The following SPCS3 variants were observed in gnomAD, a reference collection of about 807,000 sequenced individuals.
SPCS3 encodes the protein signal peptidase complex subunit 3.
In SPCS3, 9 loss-of-function variants were observed where a neutral mutation model predicts 17.2. The observed-to-expected ratio is 0.52, with a 90% confidence interval of 0.31 to 0.91. The LOEUF (loss-of-function observed/expected upper bound fraction) is 0.91. Ranked by LOEUF, SPCS3 falls within the 40% of genes least tolerant of loss-of-function variation. The pLI, the probability that SPCS3 is intolerant of heterozygous loss-of-function variation, is 0.04. For missense variants in SPCS3, 139 were observed against 217.5 expected, an observed-to-expected ratio of 0.64 and a Z score of 2.27; for synonymous variants, 87 against 89.6, an observed-to-expected ratio of 0.97 and a Z score of 0.16.
Position 176,328,213 on chromosome 4 carries a change from C to T in SPCS3, c.426C>T (p.Val142=), listed in dbSNP as rs1167300251. The change falls in exon 5 of 5, where the codon GTC becomes GTT. Residue 142 remains valine (V), a synonymous_variant. Transcript: ENST00000503362. ...DGNGLKGNRN[V]TLTLSWNVVP... ...CTTTTTATAGGGGAAACAGGAATGTCACTTTGACCCTGTCTTGGAACGTCG... is the reference window on the plus strand; with the variant it reads ...CTTTTTATAGGGGAAACAGGAATGTTACTTTGACCCTGTCTTGGAACGTCG... 6.2e-7 allele frequency: 1 copy of T among 1,612,340 alleles called. No individual in the cohort carries two copies. Among genetic ancestry groups the T allele is most frequent in the Non-Finnish European group, 8.5e-7 (1 of 1,179,374 alleles).
chr4:176,326,786 A>G (rs1194390393), intron 3 of SPCS3, among the ~76,000 whole-genome samples: 1 of 152,176 alleles, frequency 6.6e-6, no homozygotes, highest in African/African-American at 2.4e-5. Context: ...GGGTCTTAGA[A>G]ATTTTATAGG....
intron 1 of SPCS3, chr4:176,320,917 A>G (rs976702511): frequency 2.6e-5 from 4 of 152,334 alleles, no homozygotes; most frequent in Non-Finnish European, 4.4e-5. Flanking sequence ...TTTGCCAACC[A>G]CTTGAAGAAG....
rs1423353066 is a variant in SPCS3 at position 176,328,648 on chromosome 4, A to C, written c.*318A>C. 1 of 160,596 alleles carries C rather than the reference A, an allele frequency of 6.2e-6. No individual in the cohort carries two copies. The highest frequency in any genetic ancestry group is 2.4e-5 in the African/African-American group (1 of 41,722). 9.9% of individuals were successfully genotyped at this position (160,596 alleles called of 1,614,324 possible). Reference sequence around the variant, plus strand: ...GTATTTCCATTATTCTTTATGGAATATAAAGTAAGCATGAAAGGTAGTTAA... The same window carrying C: ...GTATTTCCATTATTCTTTATGGAATCTAAAGTAAGCATGAAAGGTAGTTAA... On this transcript the variant is annotated 3_prime_UTR_variant, in exon 5 of 5. Transcript: ENST00000503362.
In SPCS3 at chr4:176,327,045, A is replaced by G. The variant is rs549294619; in HGVS notation, c.295-117A>G. 9.7e-5 allele frequency: 59 copies of G among 606,800 alleles called. No individual in the cohort carries two copies. The Admixed American group carries it at 2.1e-3, about 21-fold the overall frequency. 37.6% of individuals were successfully genotyped at this position (606,800 alleles called of 1,614,324 possible). On this transcript the variant is annotated intron_variant, in intron 3 of 4. Coordinates refer to ENST00000503362, the MANE Select transcript of SPCS3 (RefSeq NM_021928.4). Reference sequence around the variant, plus strand: ...ATTTGTATGCATTAAGATTTCAGCAAGCTCCTCAAGTTGAATTCATTAACA... The same window carrying G: ...ATTTGTATGCATTAAGATTTCAGCAGGCTCCTCAAGTTGAATTCATTAACA...
In SPCS3 at chr4:176,331,483, G is replaced by C. The variant is rs1034594833; in HGVS notation, c.*3153G>C. On this transcript the variant is annotated 3_prime_UTR_variant, in exon 5 of 5. Coordinates refer to ENST00000503362, the MANE Select transcript of SPCS3 (RefSeq NM_021928.4). ...GAGATGTTTCAAAAAATTGTTGCAT[G>C]TTTTTGATGCAATTTGGGAAATTGT... 6.6e-6 allele frequency: 1 copy of C among 152,108 alleles called. No homozygotes were observed. Among genetic ancestry groups the C allele is most frequent in the African/African-American group, 2.4e-5 (1 of 41,428 alleles). 9.4% of individuals were successfully genotyped at this position (152,108 alleles called of 1,614,324 possible). A position where few individuals can be genotyped will look rare whatever the true frequency, so the allele number is the denominator to read the frequency against.
At chr4:176,320,496 T>A in intron 1 of SPCS3, 1 of 203,382 alleles carries the variant, frequency 4.9e-6, no homozygotes, top group Non-Finnish European at 9.7e-6. Context: ...CTCCGCTTGC[T>A]TCCTGTTCCT....
In SPCS3 at chr4:176,330,048, TGTAAAATGACAGA is replaced by T. The variant is rs1431999855; in HGVS notation, c.*1721_*1733del. ...TTTTCAGGGTCTTGGTTTCTTTATC[TGTAAAATGACAGA>T]GTTGGACCAGTTAACTTTAATGGCC... On this transcript the variant is annotated 3_prime_UTR_variant, in exon 5 of 5. Coordinates refer to ENST00000503362, the MANE Select transcript of SPCS3 (RefSeq NM_021928.4). 7 of 152,186 alleles carry T rather than the reference TGTAAAATGACAGA, an allele frequency of 4.6e-5. No homozygotes were observed. The highest frequency in any genetic ancestry group is 4.6e-4 in the Admixed American group (7 of 15,280). The allele number at this position is 152,186 out of a possible 1,614,324, so 9.4% of individuals were successfully genotyped here.
rs1006284510 is a variant in SPCS3 at position 176,320,644 on chromosome 4, C to G, written c.143+425C>G. 5.2e-5 allele frequency: 8 copies of G among 153,026 alleles called. No homozygotes were observed. The Admixed American group carries it at 5.2e-4, about 10-fold the overall frequency. The allele number at this position is 153,026 out of a possible 1,614,324, so 9.5% of individuals were successfully genotyped here. ...ATGCGAGGCCCTCCAGGCGCTGCCGCCGCGCTCTGGGTCGGGCTTCCGTGG... is the reference window on the plus strand; with the variant it reads ...ATGCGAGGCCCTCCAGGCGCTGCCGGCGCGCTCTGGGTCGGGCTTCCGTGG... On this transcript the variant is annotated intron_variant, in intron 1 of 4. Transcript: ENST00000503362.
chr4:176,328,355 A>AT lies in SPCS3; in HGVS notation c.*30dup. 1.6e-5 allele frequency: 24 copies of AT among 1,516,474 alleles called. No individual in the cohort carries two copies. The highest frequency in any genetic ancestry group is 2.1e-5 in the Non-Finnish European group (24 of 1,121,470). The allele number at this position is 1,516,474 out of a possible 1,614,324, so 93.9% of individuals were successfully genotyped here. On this transcript the variant is annotated 3_prime_UTR_variant, in exon 5 of 5. Coordinates refer to ENST00000503362, the MANE Select transcript of SPCS3 (RefSeq NM_021928.4). ...AATTATTCTGAATTTGAAACAACATATTTTTATACTTAATGAATTGTATCT... is the reference window on the plus strand; with the variant it reads ...AATTATTCTGAATTTGAAACAACATATTTTTTATACTTAATGAATTGTATCT...
At chr4:176,328,093 A>T in intron 4 of SPCS3, 105 bp from the exon 5 acceptor site, 1 of 1,034,576 alleles carries the variant, frequency 9.7e-7, no homozygotes, top group Non-Finnish European at 1.4e-6. Context: ...TCTGTTAGGA[A>T]TAGATGGTTA....
At chr4:176,327,352 GA>G in intron 4 of SPCS3, 75 bp downstream of exon 4, 1 of 915,408 alleles carries the variant, frequency 1.1e-6, no homozygotes, top group Non-Finnish European at 1.6e-6. Flanking sequence ...TTATTTTAAA[GA>G]AAAATACTTG....
chr4:176,324,382 TGGAG>T, intron 3 of SPCS3, 125 bp downstream of exon 3: 2 of 434,426 alleles, frequency 4.6e-6, no homozygotes, highest in Non-Finnish European at 7.3e-6. Flanking sequence ...CACAAGCCAG[TGGAG>T]GTAGCTGTGT....
At chr4:176,328,149 T>TAA in intron 4 of SPCS3, 49 bp from the exon 5 acceptor site, 3 of 1,582,966 alleles carry the variant, frequency 1.9e-6, no homozygotes, top group Non-Finnish European at 2.6e-6. Context: ...AAATTTTTTT[T>TAA]GAACTACTAG....
chr4:176,324,822 G>A (rs961592433), intron 3 of SPCS3, among the ~76,000 whole-genome samples: 2 of 152,108 alleles, frequency 1.3e-5, no homozygotes, highest in African/African-American at 4.8e-5. Flanking sequence ...TAAACAGTAG[G>A]AAAATGGTGG....
rs922333942 is a variant in SPCS3, at chr4:176,328,427, T to C, written c.*97T>C. 8.7e-5 allele frequency: 93 copies of C among 1,066,012 alleles called. No homozygotes were observed. In the Middle Eastern group the frequency reaches 3.0e-3, roughly 34 times the overall value. The allele number at this position is 1,066,012 out of a possible 1,614,324, so 66.0% of individuals were successfully genotyped here. A position where few individuals can be genotyped will look rare whatever the true frequency, so the allele number is the denominator to read the frequency against. ...CTTCATGTATTGTTGGTTTGTTTTTTGGTTTTGGGTTTTTTTTTTTTTTTT... is the reference window on the plus strand; with the variant it reads ...CTTCATGTATTGTTGGTTTGTTTTTCGGTTTTGGGTTTTTTTTTTTTTTTT... On this transcript the variant is annotated 3_prime_UTR_variant, in exon 5 of 5. Coordinates refer to ENST00000503362, the MANE Select transcript of SPCS3 (RefSeq NM_021928.4).
In SPCS3 at chr4:176,319,974, A is replaced by C; in HGVS notation, c.-103A>C. ...GGGCTGCGGCGGCGCGCGCTCCCGG[A>C]ACGCGCGCACCGCAGACGGCGCGGA... is the stretch of plus-strand genomic sequence containing the variant. On this transcript the variant is annotated 5_prime_UTR_variant, in exon 1 of 5. Coordinates refer to ENST00000503362, the MANE Select transcript of SPCS3 (RefSeq NM_021928.4). The C allele has an allele frequency of 8.5e-6, 11 of 1,292,906 alleles. No individual in the cohort carries two copies. The highest frequency in any genetic ancestry group is 6.4e-5 in the East Asian group (2 of 31,444). 80.1% of individuals were successfully genotyped at this position (1,292,906 alleles called of 1,614,324 possible).
chr4:176,331,963 A>G lies in SPCS3; in HGVS notation c.*3633A>G, dbSNP rs1318495938. 1 of 152,264 alleles carries G rather than the reference A, an allele frequency of 6.6e-6. No homozygotes were observed. The highest frequency in any genetic ancestry group is 1.5e-5 in the Non-Finnish European group (1 of 68,052). 9.4% of individuals were successfully genotyped at this position (152,264 alleles called of 1,614,324 possible). The stretch of plus-strand genomic sequence containing the variant: ...ATGAATTTTGTTTACCAGTAAAAGT[A>G]TGCATTTTAAAAGACTTTCAGATTT... On this transcript the variant is annotated 3_prime_UTR_variant, in exon 5 of 5. Coordinates refer to ENST00000503362, the MANE Select transcript of SPCS3 (RefSeq NM_021928.4).
rs1334055279 is a variant in SPCS3, at chr4:176,329,599, T to A, written c.*1269T>A. 1 of 152,180 alleles carries A rather than the reference T, an allele frequency of 6.6e-6. No individual in the cohort carries two copies. Among genetic ancestry groups the A allele is most frequent in the Non-Finnish European group, 1.5e-5 (1 of 68,000 alleles). 9.4% of individuals were successfully genotyped at this position (152,180 alleles called of 1,614,324 possible). On this transcript the variant is annotated 3_prime_UTR_variant, in exon 5 of 5. Transcript: ENST00000503362. Reference sequence around the variant, plus strand: ...ATTCTCTGAATAAATTCATTTCACTTATATTAAAAGCATAAGGAAATCTAC... The same window carrying A: ...ATTCTCTGAATAAATTCATTTCACTAATATTAAAAGCATAAGGAAATCTAC...
rs2278903 is a variant in SPCS3 at position 176,328,382 on chromosome 4, A to G, written c.*52A>G. On this transcript the variant is annotated 3_prime_UTR_variant, in exon 5 of 5. Coordinates refer to ENST00000503362, the MANE Select transcript of SPCS3 (RefSeq NM_021928.4). ...TTTTATACTTAATGAATTGTATCTC[A>G]TTAATCTCTTCCCTTACATCTTCAT... 0.16 allele frequency: 220,077 copies of G among 1,400,018 alleles called. 18,888 individuals are homozygous for G. The highest frequency in any genetic ancestry group is 0.3 in the East Asian group (11,229 of 37,688). 86.7% of individuals were successfully genotyped at this position (1,400,018 alleles called of 1,614,324 possible). A position where few individuals can be genotyped will look rare whatever the true frequency, so the allele number is the denominator to read the frequency against.
Sources: gnomAD v4.1 joint callset for allele counts (sites outside exome capture counted in the v4.1 genomes callset) on GRCh38, gnomAD v4.1.1 for gene constraint, MANE v1.5 for transcripts, NCBI Gene and HGNC (gene_info 2026-07-23, HGNC 2026-07-21) for gene names.